The following DRC3 variants were observed in gnomAD, a reference collection of about 807,000 sequenced individuals.
The protein encoded by DRC3 is dynein regulatory complex subunit 3.
Under a neutral mutation model 57.6 loss-of-function variants are expected in DRC3, and 45 were observed. The ratio of observed to expected loss-of-function variants is 0.78; its 90% CI spans 0.62 to 1.00. The LOEUF is 1.00. Ranked by LOEUF, DRC3 falls within the 50% of genes least tolerant of loss-of-function variation. The pLI is 0.00. For synonymous variants in DRC3, 257 were observed against 272.3 expected (o/e 0.94, Z 0.55); for missense variants, 655 against 675.2 (o/e 0.97, Z 0.33).
chr17:18,010,687 A>G (rs1284156371), intron 12 of DRC3: 2 of 172,090 alleles, frequency 1.2e-5, no homozygotes, highest in Non-Finnish European at 2.5e-5. Flanking sequence ...AGAAGCCTGG[A>G]ATGGGAAACC....
intron 5 of DRC3, 55 bp from the exon 6 acceptor site, chr17:17,992,710 G>A: frequency 6.3e-7 from 1 of 1,577,558 alleles, no homozygotes; most frequent in Non-Finnish European, 8.6e-7. Context: ...GTGCAGCTGT[G>A]TTTTCAACTC....
At chr17:18,002,232 A>G (rs1448702182) in intron 9 of DRC3, among the ~76,000 whole-genome samples, 1 of 152,120 alleles carries the variant, frequency 6.6e-6, no homozygotes, top group Non-Finnish European at 1.5e-5. Flanking sequence ...TTACATTTGA[A>G]TCTTCATCAG....
rs201063688 is a variant in DRC3, at chr17:17,983,912, G to T, written c.245G>T (p.Gly82Val). Residue 82 changes from glycine to valine, a missense_variant, in exon 4 of 14, where the codon GGC becomes GTC. By Grantham distance (109) the Gly-to-Val change is moderately radical. Transcript: ENST00000399187. ...AATAACATCATTGAGAAGATCGAGG[G>T]CCTGGAGAACCTCGCACACCTGGTC... ...LDNNIIEKIE[G>V]LENLAHLVWL... The T allele has an allele frequency of 2.1e-4, 346 of 1,613,234 alleles. 1 individual carries two copies. Among genetic ancestry groups the T allele is most frequent in the African/African-American group, 1.1e-3 (80 of 75,006 alleles).
intron 9 of DRC3, among the ~76,000 whole-genome samples, chr17:17,999,549 A>G (rs2043601678): frequency 1.3e-5 from 2 of 152,098 alleles, no homozygotes; most frequent in Admixed American, 1.3e-4. Flanking sequence ...CATCCCCATT[A>G]GGCCTCATCC....
rs534335746 is a variant in DRC3 at position 17,977,385 on chromosome 17, A to G, written c.-17-197A>G. 3.2e-4 allele frequency: 192 copies of G among 591,098 alleles called. 1 individual carries two copies. In the Middle Eastern group the frequency reaches 3.7e-3, roughly 11 times the overall value. The allele number at this position is 591,098 out of a possible 1,614,324, so 36.6% of individuals were successfully genotyped here. ...GGGATGAAACCCTGTGGACAGGCCC[A>G]GGTGGTTGCCAGGAAGCCCTGGAGC... On this transcript the variant is annotated intron_variant, in intron 2 of 13. Transcript: ENST00000399187.
intron 3 of DRC3, among the ~76,000 whole-genome samples, chr17:17,980,262 G>C (rs1234131603): frequency 6.6e-6 from 1 of 151,098 alleles, no homozygotes; most frequent in Non-Finnish European, 1.5e-5. Context: ...TTGTTTGTTT[G>C]TTTGTTTTGT....
At chr17:17,998,916 AC>A (rs1488001614) in intron 9 of DRC3, among the ~76,000 whole-genome samples, 2 of 152,228 alleles carry the variant, frequency 1.3e-5, no homozygotes, top group Non-Finnish European at 2.9e-5. Flanking sequence ...AGCAGATTTC[AC>A]AGAAAAAATT....
At chr17:18,016,257 C>G (rs1597659650) in intron 13 of DRC3, 62 bp downstream of exon 13, 1 of 1,553,514 alleles carries the variant, frequency 6.4e-7, no homozygotes, top group Non-Finnish European at 8.9e-7. Flanking sequence ...CATGGAAATC[C>G]TCCCTAGGTA....
chr17:18,002,487 G>A (rs73979253), intron 9 of DRC3, among the ~76,000 whole-genome samples: 135 of 152,290 alleles, frequency 8.9e-4, no homozygotes, highest in African/African-American at 3.2e-3. Flanking sequence ...TATACCCTCT[G>A]AGCACCCCCT....
intron 5 of DRC3, among the ~76,000 whole-genome samples, chr17:17,989,323 G>A (rs967053074): frequency 2.0e-5 from 3 of 152,140 alleles, no homozygotes; most frequent in East Asian, 1.9e-4. Flanking sequence ...GCCGGGCCTC[G>A]CCACAGTCAG....
In DRC3 at chr17:17,977,690, C is replaced by A. The variant is rs1410500949; in HGVS notation, c.92C>A (p.Ala31Asp). 2.5e-6 allele frequency: 4 copies of A among 1,613,760 alleles called. No homozygotes were observed. The highest frequency in any genetic ancestry group is 3.4e-6 in the Non-Finnish European group (4 of 1,179,786). ...GGGGACCAGGGCCCCCAGGAGGAGG[C>A]CGGGCAGCTGGCCAAGCAGGAGGGC... The part of the protein sequence containing the change: ...AVGDQGPQEE[A>D]GQLAKQEGIL... Residue 31 changes from alanine to aspartate, a missense_variant, in exon 3 of 14, where the codon GCC (alanine) becomes GAC (aspartate). Transcript: ENST00000399187.
Position 17,987,982 on chromosome 17 carries a change from A to G in DRC3, c.328A>G (p.Asn110Asp), listed in dbSNP as rs2043041093. 6.2e-7 allele frequency: 1 copy of G among 1,613,902 alleles called. No individual in the cohort carries two copies. Among genetic ancestry groups the G allele is most frequent in the Admixed American group, 1.7e-5 (1 of 60,002 alleles). ...CATCGAGGGGCTGGACACACTGGTGAACCTGGAGGACCTGAGCTTGTTCAA... is the reference window on the plus strand; with the variant it reads ...CATCGAGGGGCTGGACACACTGGTGGACCTGGAGGACCTGAGCTTGTTCAA... ...ETIEGLDTLV[N>D]LEDLSLFNNR... Residue 110 changes from asparagine (N) to aspartate (D), a missense_variant, in exon 5 of 14, where the codon AAC becomes GAC. Physicochemically the swap from Asn to Asp is conservative, Grantham distance 23. Coordinates refer to ENST00000399187, the MANE Select transcript of DRC3 (RefSeq NM_031294.4).
At chr17:17,983,755 C>A in intron 3 of DRC3, 73 bp from the exon 4 acceptor site, 4 of 1,055,936 alleles carry the variant, frequency 3.8e-6, no homozygotes, top group Non-Finnish European at 2.9e-6. Context: ...TGTGGTTCTG[C>A]CTCACTCCTC....
rs184840189 is a variant in DRC3, at chr17:17,977,570, G to A, written c.-17-12G>A. 19 of 1,613,762 alleles carry A rather than the reference G, an allele frequency of 1.2e-5. No individual in the cohort carries two copies. The East Asian group carries it at 1.8e-4, about 15-fold the overall frequency. ...GAAGCAGGCCGTGAAGGAAGAATGC[G>A]GTGTTTTTTAGGGAAAACGTGGGGG... On this transcript the variant is annotated splice_polypyrimidine_tract_variant and intron_variant, in intron 2 of 13. Coordinates refer to ENST00000399187, the MANE Select transcript of DRC3 (RefSeq NM_031294.4).
At chr17:17,996,410 G>A (rs73303854) in intron 8 of DRC3, among the ~76,000 whole-genome samples, 2,563 of 152,262 alleles carry the variant, frequency 0.017, 85 homozygotes, top group African/African-American at 0.058. Flanking sequence ...ATCTTACATG[G>A]GCAGTGGGCA....
At chr17:18,006,301 C>T in intron 11 of DRC3, 48 bp downstream of exon 11, 6 of 1,396,296 alleles carry the variant, frequency 4.3e-6, no homozygotes, top group Non-Finnish European at 5.1e-6. Context: ...CTACAGAGCC[C>T]CTGGGCTTGT....
At chr17:18,004,604 C>A in intron 10 of DRC3, 110 bp downstream of exon 10, 1 of 1,237,758 alleles carries the variant, frequency 8.1e-7, no homozygotes. Flanking sequence ...TCCAGCACGA[C>A]TCAGCGTGGC....
chr17:17,997,066 G>C (rs531928674), intron 8 of DRC3, among the ~76,000 whole-genome samples: 1 of 152,272 alleles, frequency 6.6e-6, no homozygotes, highest in East Asian at 1.9e-4. Flanking sequence ...ACCAGAGACA[G>C]AAACGCACAC....
intron 12 of DRC3, chr17:18,007,390 T>C (rs1291026419): frequency 1.3e-6 from 2 of 1,551,416 alleles, no homozygotes; most frequent in Non-Finnish European, 8.7e-7. Flanking sequence ...GTTTCAACTT[T>C]CCAACAGGGT....
Sources: gnomAD v4.1 joint callset for allele counts (sites outside exome capture counted in the v4.1 genomes callset) on GRCh38, gnomAD v4.1.1 for gene constraint, MANE v1.5 for transcripts, NCBI Gene and HGNC (gene_info 2026-07-23, HGNC 2026-07-21) for gene names.